Variants in EEF1A1 observed in about 807,000 individuals in gnomAD.
EEF1A1 encodes elongation factor 1-alpha 1.
A neutral mutation model predicts 38.5 loss-of-function variants in EEF1A1; 1 was observed. The ratio of observed to expected loss-of-function variants is 0.03; its 90% confidence interval spans 0.01 to 0.12. The LOEUF (loss-of-function observed/expected upper bound fraction) is 0.12, where lower values mean the gene tolerates loss of function less well. EEF1A1 is among the 10% of genes least tolerant of loss of function. EEF1A1 has a pLI of 1.00. For synonymous variants in EEF1A1, 229 were observed against 203.7 expected (o/e 1.12, Z -1.06); for missense variants, 184 against 588.3 (o/e 0.31, Z 7.11).
chr6:73,518,755 T>C lies in EEF1A1; in HGVS notation c.715A>G (p.Thr239Ala). Residue 239 changes from threonine (T) to alanine (A), a missense_variant, in exon 5 of 8, where the codon ACT becomes GCT. By Grantham distance (58) the Thr-to-Ala change is moderately conservative. This residue lies in a region of EEF1A1 where 46 missense variants were observed against 73.9 expected (regional missense o/e 0.62). Transcript: ENST00000309268. ...CGCAAGGGCTTGTCAGTTGGACGAG[T>C]TGGTGGTAGGATGCAGTCCAGAGCC... Reference protein sequence around the residue: ...LEALDCILPPTRPTDKPLRLP... With the variant: ...LEALDCILPPARPTDKPLRLP... The C allele has an allele frequency of 3.7e-6, 6 of 1,614,044 alleles. No homozygotes were observed. Among genetic ancestry groups the C allele is most frequent in the East Asian group, 4.5e-5 (2 of 44,882 alleles).
rs1268173458 is a variant in EEF1A1, at chr6:73,517,349, A to G, written c.*461T>C. On this transcript the variant is annotated 3_prime_UTR_variant, in exon 8 of 8. Transcript: ENST00000309268. The stretch of plus-strand genomic sequence containing the variant: ...TCAAAGCAACCCTCCCATAGCTTTA[A>G]ATGATATTCCTTCCCCTTCCAATTA... The G allele has an allele frequency of 6.3e-6, 1 of 159,064 alleles. No homozygotes were observed. The highest frequency in any genetic ancestry group is 1.9e-4 in the East Asian group (1 of 5,374). 9.9% of individuals were successfully genotyped at this position (159,064 alleles called of 1,614,324 possible). A position where few individuals can be genotyped will look rare whatever the true frequency, so the allele number is the denominator to read the frequency against.
Position 73,518,117 on chromosome 6 carries a change from A to G in EEF1A1, c.1177T>C (p.Phe393Leu). Reference protein sequence around the residue: ...SGKKLEDGPKFLKSGDAAIVD... With the variant: ...SGKKLEDGPKLLKSGDAAIVD... ...ATGGCAGCATCACCAGACTTCAAGA[A>G]TTTAGGGCCATCTTCCAGCTTTTTA... The change falls in exon 7 of 8, where the codon TTC becomes CTC. Residue 393 changes from phenylalanine to leucine, a missense_variant. Transcript: ENST00000309268. 4.4e-6 allele frequency: 7 copies of G among 1,606,894 alleles called. No homozygotes were observed. Among genetic ancestry groups the G allele is most frequent in the Non-Finnish European group, 5.9e-6 (7 of 1,177,530 alleles).
At position 73,518,756 on chromosome 6, in the gene EEF1A1, T is replaced by C. The variant is rs930158177; in HGVS notation, c.714A>G (p.Pro238=). ...GCAAGGGCTTGTCAGTTGGACGAGTTGGTGGTAGGATGCAGTCCAGAGCCT... is the reference window on the plus strand; with the variant it reads ...GCAAGGGCTTGTCAGTTGGACGAGTCGGTGGTAGGATGCAGTCCAGAGCCT... ...LLEALDCILP[P]TRPTDKPLRL... Residue 238 remains proline, a synonymous_variant, in exon 5 of 8, where the codon CCA becomes CCG. Transcript: ENST00000309268. 3 of 1,614,180 alleles carry C rather than the reference T, an allele frequency of 1.9e-6. No individual in the cohort carries two copies. The highest frequency in any genetic ancestry group is 2.5e-6 in the Non-Finnish European group (3 of 1,180,036).
chr6:73,518,991 C>A lies in EEF1A1; in HGVS notation c.562G>T (p.Val188Leu), dbSNP rs1171062781. The A allele has an allele frequency of 6.3e-7, 1 of 1,596,494 alleles. No individual in the cohort carries two copies. ...CAACCAGAAATTGGCACAAATGCTA[C>A]TGTGTCGGGGTTGTAGCCAATTTTC... ...IKKIGYNPDTVAFVPISGWNG... is the reference protein window; with the variant it reads ...IKKIGYNPDTLAFVPISGWNG... Residue 188 changes from valine to leucine, a missense_variant, in exon 4 of 8, where the codon GTA becomes TTA. By Grantham distance (32) the Val-to-Leu change is conservative. Around this residue, in one of 3 missense-constraint regions of EEF1A1, gnomAD observed 46 missense variants for 73.9 expected, o/e 0.62. Coordinates refer to ENST00000309268, the MANE Select transcript of EEF1A1 (RefSeq NM_001402.6).
chr6:73,518,343 T>G lies in EEF1A1; in HGVS notation c.1029+11A>C, dbSNP rs1765575576. On this transcript the variant is annotated intron_variant, in intron 6 of 7. Coordinates refer to ENST00000309268, the MANE Select transcript of EEF1A1 (RefSeq NM_001402.6). The stretch of plus-strand genomic sequence containing the variant: ...CCTCTGCAATAAGTTAATGTTACTT[T>G]AAATTGTTACCTGAGCAGTGAAGCC... The G allele has an allele frequency of 6.2e-7, 1 of 1,612,454 alleles. No individual in the cohort carries two copies. Among genetic ancestry groups the G allele is most frequent in the Non-Finnish European group, 8.5e-7 (1 of 1,179,200 alleles).
rs1223263507 is a variant in EEF1A1 at position 73,519,467 on chromosome 6, G to A, written c.194C>T (p.Ala65Val). 1 of 1,600,690 alleles carries A rather than the reference G, an allele frequency of 6.2e-7. No individual in the cohort carries two copies. The highest frequency in any genetic ancestry group is 2.2e-5 in the East Asian group (1 of 44,856). The change falls in exon 3 of 8, where the codon GCT (alanine) becomes GTT (valine). Residue 65 changes from alanine to valine, a missense_variant. Physicochemically the swap from Ala to Val is moderately conservative, Grantham distance 64 (BLOSUM62 0). Transcript: ENST00000309268. ...KYAWVLDKLK[A>V]ERERGITIDI... ...AATGGTGATACCACGTTCACGCTCAGCTTTCAGTTTATCCAAGACCCAGGC... is the reference window on the plus strand; with the variant it reads ...AATGGTGATACCACGTTCACGCTCAACTTTCAGTTTATCCAAGACCCAGGC...
rs1263299595 is a variant in EEF1A1 at position 73,518,435 on chromosome 6, A to C, written c.948T>G (p.Ser316=). Reference sequence around the variant, plus strand: ...CGTTGCCACGACGAACATCCTTGACAGACACATTCTTGACATTGAAGCCCA... The same window carrying C: ...CGTTGCCACGACGAACATCCTTGACCGACACATTCTTGACATTGAAGCCCA... ...DNVGFNVKNV[S]VKDVRRGNVA... The change falls in exon 6 of 8, where the codon TCT becomes TCG. Residue 316 remains serine (S), a synonymous_variant. Coordinates refer to ENST00000309268, the MANE Select transcript of EEF1A1 (RefSeq NM_001402.6). 4.3e-6 allele frequency: 7 copies of C among 1,613,722 alleles called. No homozygotes were observed. The highest frequency in any genetic ancestry group is 5.9e-6 in the Non-Finnish European group (7 of 1,179,972).
Position 73,518,975 on chromosome 6 carries a change from A to G in EEF1A1, c.578T>C (p.Ile193Thr). The change falls in exon 4 of 8, where the codon ATT becomes ACT. Residue 193 changes from isoleucine (I) to threonine (T), a missense_variant. Transcript: ENST00000309268. ...YNPDTVAFVP[I>T]SGWNGDNMLE... The stretch of plus-strand genomic sequence containing the variant: ...CATGTTGTCACCATTCCAACCAGAA[A>G]TTGGCACAAATGCTACTGTGTCGGG... The G allele has an allele frequency of 6.2e-7, 1 of 1,609,190 alleles. No individual in the cohort carries two copies. Among genetic ancestry groups the G allele is most frequent in the Non-Finnish European group, 8.5e-7 (1 of 1,176,780 alleles).
At chr6:73,519,288 A>G in intron 3 of EEF1A1, 49 bp downstream of exon 3, 1 of 1,607,392 alleles carries the variant, frequency 6.2e-7, no homozygotes, top group South Asian at 1.1e-5. Context: ...CCAGTGTACA[A>G]AGCAAGCCTT....
chr6:73,518,081 C>G lies in EEF1A1; in HGVS notation c.1213G>C (p.Val405Leu). Residue 405 changes from valine to leucine, a missense_variant, in exon 7 of 8, where the codon GTT (valine) becomes CTT (leucine). Physicochemically the swap from Val to Leu is conservative, Grantham distance 32. Coordinates refer to ENST00000309268, the MANE Select transcript of EEF1A1 (RefSeq NM_001402.6). Reference sequence around the variant, plus strand: ...TCAACACACATGGGCTTGCCAGGAACCATATCAACAATGGCAGCATCACCA... The same window carrying G: ...TCAACACACATGGGCTTGCCAGGAAGCATATCAACAATGGCAGCATCACCA... ...KSGDAAIVDM[V>L]PGKPMCVESF... The G allele has an allele frequency of 6.3e-7, 1 of 1,587,896 alleles. No individual in the cohort carries two copies. Among genetic ancestry groups the G allele is most frequent in the Non-Finnish European group, 8.6e-7 (1 of 1,166,996 alleles).
Position 73,519,931 on chromosome 6 carries a change from A to G in EEF1A1, c.96T>C (p.Gly32=). Reference sequence around the variant, plus strand: ...TTTCAATGGTTCTTTTGTCGATGCCACCGCATTTATAGATCAGATGGCCAG... The same window carrying G: ...TTTCAATGGTTCTTTTGTCGATGCCGCCGCATTTATAGATCAGATGGCCAG... ...TTTGHLIYKC[G]GIDKRTIEKF... Residue 32 remains glycine, a synonymous_variant, in exon 2 of 8, where the codon GGT becomes GGC. Coordinates refer to ENST00000309268, the MANE Select transcript of EEF1A1 (RefSeq NM_001402.6). 20 of 1,611,116 alleles carry G rather than the reference A, an allele frequency of 1.2e-5. No individual in the cohort carries two copies. The highest frequency in any genetic ancestry group is 1.7e-5 in the Non-Finnish European group (20 of 1,179,830).
At chr6:73,520,689 A>G (rs1005239928) in intron 1 of EEF1A1, 3 of 152,356 alleles carry the variant, frequency 2.0e-5, no homozygotes, top group African/African-American at 7.2e-5. Context: ...CTATCTTGCC[A>G]GAAAAAAAGC....
In EEF1A1 at chr6:73,517,100, CTTAT is replaced by C. The variant is rs1765537338; in HGVS notation, c.*706_*709del. ...CATAGGGTGTACACTAGCCACTACA[CTTAT>C]TTCTTATGTCATGGCAAATAGTCAA... On this transcript the variant is annotated 3_prime_UTR_variant, in exon 8 of 8. Transcript: ENST00000309268. 6.6e-6 allele frequency: 1 copy of C among 152,282 alleles called. No individual in the cohort carries two copies. The allele number at this position is 152,282 out of a possible 1,614,324, so 9.4% of individuals were successfully genotyped here. A position where few individuals can be genotyped will look rare whatever the true frequency, so the allele number is the denominator to read the frequency against.
rs1561962587 is a variant in EEF1A1 at position 73,518,336 on chromosome 6, GTTACT to G, written c.1029+13_1029+17del. On this transcript the variant is annotated intron_variant, in intron 6 of 7. Coordinates refer to ENST00000309268, the MANE Select transcript of EEF1A1 (RefSeq NM_001402.6). ...ACTTTAGCCTCTGCAATAAGTTAAT[GTTACT>G]TTAAATTGTTACCTGAGCAGTGAAG... 2.5e-6 allele frequency: 4 copies of G among 1,612,180 alleles called. No individual in the cohort carries two copies. Among genetic ancestry groups the G allele is most frequent in the Non-Finnish European group, 2.5e-6 (3 of 1,179,056 alleles).
At chr6:73,519,785 C>T in intron 2 of EEF1A1, 98 bp downstream of exon 2, 1 of 1,522,658 alleles carries the variant, frequency 6.6e-7, no homozygotes, top group Non-Finnish European at 8.8e-7. Flanking sequence ...TATTAGCATT[C>T]AGATCTAAAC....
chr6:73,517,694 G>T lies in EEF1A1; in HGVS notation c.*116C>A. On this transcript the variant is annotated 3_prime_UTR_variant, in exon 8 of 8. Coordinates refer to ENST00000309268, the MANE Select transcript of EEF1A1 (RefSeq NM_001402.6). ...CCTTCTGAAGGTTTTACGATGCATT[G>T]TTATCATTAACCAGTCTTTTACTAC... The T allele has an allele frequency of 1.8e-6, 1 of 568,124 alleles. No homozygotes were observed. Among genetic ancestry groups the T allele is most frequent in the South Asian group, 2.9e-5 (1 of 34,650 alleles). 35.2% of individuals were successfully genotyped at this position (568,124 alleles called of 1,614,324 possible). A position where few individuals can be genotyped will look rare whatever the true frequency, so the allele number is the denominator to read the frequency against.
In EEF1A1 at chr6:73,516,152, G is replaced by C. The variant is rs1377173416; in HGVS notation, c.*1658C>G. 1 of 152,214 alleles carries C rather than the reference G, an allele frequency of 6.6e-6. No individual in the cohort carries two copies. The highest frequency in any genetic ancestry group is 1.5e-5 in the Non-Finnish European group (1 of 68,034). The allele number at this position is 152,214 out of a possible 1,614,324, so 9.4% of individuals were successfully genotyped here. A position where few individuals can be genotyped will look rare whatever the true frequency, so the allele number is the denominator to read the frequency against. ...ACCTCAGAGCACTGGCTGATGGGAA[G>C]GCATTTTATCTAATTCAGACTCAGA... On this transcript the variant is annotated 3_prime_UTR_variant, in exon 8 of 8. Coordinates refer to ENST00000309268, the MANE Select transcript of EEF1A1 (RefSeq NM_001402.6).
intron 5 of EEF1A1, 42 bp from the exon 6 acceptor site, chr6:73,518,652 CAG>C: frequency 6.2e-7 from 1 of 1,612,946 alleles, no homozygotes; most frequent in Non-Finnish European, 8.5e-7. Flanking sequence ...TGAAGGCAGA[CAG>C]TACTCTATCA....
In EEF1A1 at chr6:73,519,912, T is replaced by C; in HGVS notation, c.115A>G (p.Ile39Val). ...GCAGCCTCCTTCTCAAATTTTTCAA[T>C]GGTTCTTTTGTCGATGCCACCGCAT... ...YKCGGIDKRTIEKFEKEAAEM... is the reference protein window; with the variant it reads ...YKCGGIDKRTVEKFEKEAAEM... Residue 39 changes from isoleucine to valine, a missense_variant, in exon 2 of 8, where the codon ATT (isoleucine) becomes GTT (valine). This residue lies in a region of EEF1A1 where 57 missense variants were observed against 228.1 expected (regional missense o/e 0.25). Transcript: ENST00000309268. 6.2e-7 allele frequency: 1 copy of C among 1,612,490 alleles called. No individual in the cohort carries two copies. Among genetic ancestry groups the C allele is most frequent in the Non-Finnish European group, 8.5e-7 (1 of 1,179,830 alleles).
Sources: allele counts gnomAD v4.1 joint callset, GRCh38; gene constraint gnomAD v4.1.1; regional missense constraint gnomAD v4.1.1; transcripts MANE v1.5; gene names NCBI Gene and HGNC (gene_info 2026-07-23, HGNC 2026-07-21).